ADARB2: variants seen among roughly 807,000 people sequenced by gnomAD.
ADARB2 encodes adenosine deaminase RNA specific B2 (inactive), also known as inactive double-stranded RNA-specific editase B2.
A neutral mutation model predicts 62.2 loss-of-function variants in ADARB2; 25 were observed. The observed-to-expected ratio is 0.40, with a 90% CI of 0.29 to 0.56. The LOEUF (loss-of-function observed/expected upper bound fraction) is 0.56. ADARB2 is among the 20% of genes least tolerant of loss of function. ADARB2 has a pLI of 0.43. For missense variants in ADARB2, 1,071 were observed against 1,077.4 expected, an observed-to-expected ratio of 0.99 and a Z score of 0.08; for synonymous variants, 572 against 500.8, an observed-to-expected ratio of 1.14 and a Z score of -1.90.
Position 1,465,750 on chromosome 10 carries a change from C to T in ADARB2, c.101-86590G>A, listed in dbSNP as rs535760921. Among the ~76,000 whole-genome samples the T allele has an allele frequency of 2.6e-5, 4 of 152,322 alleles. No homozygotes were observed. In the South Asian group the frequency reaches 8.3e-4, roughly 32 times the overall value. ...AGCTACTGCATGTGCACCCAGAGGG[C>T]CACCCAGAATGTGCGTACCAGCAAC... On this transcript the variant is annotated intron_variant, in intron 1 of 9. Coordinates refer to ENST00000381312, the MANE Select transcript of ADARB2 (RefSeq NM_018702.4).
At chr10:1,510,108 CTCTCTT>C (rs1224437078) in intron 1 of ADARB2, among the ~76,000 whole-genome samples, 2 of 120,918 alleles carry the variant, frequency 1.7e-5, no homozygotes, top group African/African-American at 6.1e-5. Flanking sequence ...TTCTTTCTTT[CTCTCTT>C]TCTTTCTTTC....
At chr10:1,601,193 C>T (rs376559442) in intron 1 of ADARB2, among the ~76,000 whole-genome samples, 2 of 152,330 alleles carry the variant, frequency 1.3e-5, no homozygotes, top group Non-Finnish European at 1.5e-5. Context: ...AGAGACACCA[C>T]GTGTGGCTCA....
At chr10:1,532,920 A>C (rs10903469) in intron 1 of ADARB2, among the ~76,000 whole-genome samples, 47,247 of 151,946 alleles carry the variant, frequency 0.31, 8,405 homozygotes, top group East Asian at 0.6. Context: ...GCCTCGCCTC[A>C]CCTGCGGGCA....
chr10:1,373,518 CAT>C, intron 2 of ADARB2, among the ~76,000 whole-genome samples: 1 of 152,138 alleles, frequency 6.6e-6, no homozygotes, highest in East Asian at 1.9e-4. Flanking sequence ...TGTAATTGTG[CAT>C]GTGTGACTGT....
At chr10:1,244,905 C>CCGT (rs955402168) in intron 4 of ADARB2, among the ~76,000 whole-genome samples, 3 of 152,104 alleles carry the variant, frequency 2.0e-5, no homozygotes, top group African/African-American at 7.2e-5. Flanking sequence ...CCGTTGGAGC[C>CCGT]CGTAGGAGAT....
At chr10:1,188,616 C>CT (rs11389648) in intron 8 of ADARB2, among the ~76,000 whole-genome samples, 131,641 of 142,416 alleles carry the variant, frequency 0.92, 61,296 homozygotes, top group South Asian at 0.98. Flanking sequence ...ACCTTCTTGT[C>CT]TTTTTTTTTT....
chr10:1,196,922 T>C (rs1360391230), intron 8 of ADARB2, among the ~76,000 whole-genome samples: 1 of 152,308 alleles, frequency 6.6e-6, no homozygotes, highest in East Asian at 1.9e-4. Context: ...TTTAGATTGT[T>C]CTAGCAAGAT....
At chr10:1,554,462 A>G (rs1832672998) in intron 1 of ADARB2, among the ~76,000 whole-genome samples, 1 of 152,102 alleles carries the variant, frequency 6.6e-6, no homozygotes, top group Non-Finnish European at 1.5e-5. Flanking sequence ...AAACACACCA[A>G]GAACCTCTGC....
chr10:1,711,765 C>A (rs1834951127), intron 1 of ADARB2, among the ~76,000 whole-genome samples: 1 of 152,188 alleles, frequency 6.6e-6, no homozygotes. Context: ...GAGTTTCCCT[C>A]CTGCCCAGGC....
At chr10:1,672,180 CCTCT>C (rs530555595) in intron 1 of ADARB2, among the ~76,000 whole-genome samples, 41 of 152,066 alleles carry the variant, frequency 2.7e-4, no homozygotes, top group African/African-American at 8.2e-4. Context: ...CCATCGTTTT[CCTCT>C]CTCTCTGTCT....
intron 1 of ADARB2, among the ~76,000 whole-genome samples, chr10:1,491,165 C>A (rs1200097409): frequency 2.0e-5 from 3 of 152,140 alleles, no homozygotes; most frequent in African/African-American, 7.2e-5. Flanking sequence ...CTCAACCAGG[C>A]TTAAGCAATC....
intron 1 of ADARB2, among the ~76,000 whole-genome samples, chr10:1,530,253 G>T (rs1832213775): frequency 6.6e-6 from 1 of 152,190 alleles, no homozygotes; most frequent in Non-Finnish European, 1.5e-5. Context: ...GCTCAGTGAG[G>T]GTCTCCCTCC....
Position 1,216,955 on chromosome 10 carries a change from C to T in ADARB2, c.1678G>A (p.Ala560Thr), listed in dbSNP as rs142663256. The part of the protein sequence containing the change: ...LITMSCTDKI[A>T]RWNVLGLQGA... ...AGAGGAAGCCGTGGGCCTCACCTGG[C>T]GATCTTGTCCGTGCAGGACATGGTG... The change falls in exon 7 of 10, where the codon GCC (alanine) becomes ACC (threonine). Residue 560 changes from alanine (A) to threonine (T), a missense_variant. Physicochemically the swap from Ala to Thr is moderately conservative, Grantham distance 58 (BLOSUM62 0). Coordinates refer to ENST00000381312, the MANE Select transcript of ADARB2 (RefSeq NM_018702.4). 613 of 1,606,102 alleles carry T rather than the reference C, an allele frequency of 3.8e-4. 4 individuals carry two copies. The African/African-American group carries it at 6.9e-3, about 18-fold the overall frequency.
At chr10:1,199,136 C>T (rs949180811) in intron 8 of ADARB2, among the ~76,000 whole-genome samples, 65 of 152,188 alleles carry the variant, frequency 4.3e-4, no homozygotes, top group African/African-American at 1.5e-3. Context: ...AGAGCTCTCC[C>T]ACTCCAGCAA....
chr10:1,644,973 G>T (rs1300035081), intron 1 of ADARB2, among the ~76,000 whole-genome samples: 3 of 152,236 alleles, frequency 2.0e-5, no homozygotes, highest in Non-Finnish European at 4.4e-5. Context: ...CAAAAAAGAG[G>T]TCAAGGTAGA....
At chr10:1,608,088 T>G (rs936655027) in intron 1 of ADARB2, among the ~76,000 whole-genome samples, 2 of 152,234 alleles carry the variant, frequency 1.3e-5, no homozygotes, top group African/African-American at 4.8e-5. Flanking sequence ...ACACAACTTC[T>G]GGCATCATCT....
At chr10:1,277,784 T>C (rs887709767) in intron 3 of ADARB2, among the ~76,000 whole-genome samples, 3 of 152,154 alleles carry the variant, frequency 2.0e-5, no homozygotes, top group African/African-American at 7.2e-5. Flanking sequence ...TACCAAAGCC[T>C]GGCAGAGACA....
At chr10:1,448,639 T>A (rs1830999214) in intron 1 of ADARB2, among the ~76,000 whole-genome samples, 1 of 152,186 alleles carries the variant, frequency 6.6e-6, no homozygotes, top group Admixed American at 6.5e-5. Flanking sequence ...TATGTTAACA[T>A]CTTTATTTCC....
At chr10:1,366,759 G>A (rs1468658565) in intron 2 of ADARB2, among the ~76,000 whole-genome samples, 3 of 152,224 alleles carry the variant, frequency 2.0e-5, no homozygotes, top group African/African-American at 7.2e-5. Flanking sequence ...AGAGGAAGAT[G>A]AAGCTGAGCC....
Sources: gnomAD v4.1 joint callset for allele counts (sites outside exome capture counted in the v4.1 genomes callset) on GRCh38, gnomAD v4.1.1 for gene constraint, MANE v1.5 for transcripts, NCBI Gene and HGNC (gene_info 2026-07-23, HGNC 2026-07-21) for gene names.